Variants in BRD10 observed in about 807,000 individuals in gnomAD.
BRD10 encodes the protein bromodomain containing 10, also known as uncharacterized bromodomain-containing protein 10.
chr9:5,979,454 AGT>A, the BRD10 span, among the ~76,000 whole-genome samples: 1 of 152,034 alleles, frequency 6.6e-6, no homozygotes, highest in Non-Finnish European at 1.5e-5. Flanking sequence ...TGGAGTCTGC[AGT>A]GAGTCGTGAT....
the BRD10 span, chr9:5,954,162 T>C: frequency 2.4e-6 from 2 of 826,694 alleles, no homozygotes; most frequent in South Asian, 1.5e-5. Context: ...AAAAACAAAT[T>C]ACGCAGATCC....
At chr9:5,884,746 C>G in the BRD10 span, among the ~76,000 whole-genome samples, 1 of 152,196 alleles carries the variant, frequency 6.6e-6, no homozygotes, top group Non-Finnish European at 1.5e-5. Context: ...TATTTTTCCA[C>G]TCCAAAGGTC....
At chr9:5,951,390 C>T in the BRD10 span, among the ~76,000 whole-genome samples, 1 of 151,386 alleles carries the variant, frequency 6.6e-6, no homozygotes, top group Non-Finnish European at 1.5e-5. Context: ...TGCTTTCTGT[C>T]AATTTAAAGA....
At chr9:5,930,898 T>C in the BRD10 span, among the ~76,000 whole-genome samples, 1 of 152,186 alleles carries the variant, frequency 6.6e-6, no homozygotes. Context: ...GTAACTTTCA[T>C]CTAGAAAAAG....
chr9:5,902,375 A>T, the BRD10 span, among the ~76,000 whole-genome samples: 2 of 152,192 alleles, frequency 1.3e-5, no homozygotes, highest in East Asian at 3.9e-4. Flanking sequence ...TTCTTAGCCT[A>T]GCTAAAGGCT....
chr9:5,884,077 T>C, the BRD10 span, among the ~76,000 whole-genome samples: 3 of 152,230 alleles, frequency 2.0e-5, no homozygotes, highest in Non-Finnish European at 4.4e-5. Flanking sequence ...GAGCGCAGTC[T>C]CTCTCCTTTT....
At chr9:5,881,892 C>A in the BRD10 span, among the ~76,000 whole-genome samples, 1 of 152,198 alleles carries the variant, frequency 6.6e-6, no homozygotes. Context: ...ATGTGGCAGG[C>A]TCTGCGCCAA....
At chr9:5,937,640 A>T in the BRD10 span, among the ~76,000 whole-genome samples, 38,823 of 152,202 alleles carry the variant, frequency 0.26, 5,208 homozygotes, top group South Asian at 0.36. Flanking sequence ...TGCTGGGATA[A>T]ATGGAATATA....
At chr9:5,957,962 A>G in the BRD10 span, among the ~76,000 whole-genome samples, 4 of 152,072 alleles carry the variant, frequency 2.6e-5, no homozygotes, top group Admixed American at 2.0e-4. Context: ...TTTTACTTCC[A>G]CTGCCCTAAG....
the BRD10 span, among the ~76,000 whole-genome samples, chr9:5,906,348 G>T: frequency 6.8e-6 from 1 of 148,142 alleles, no homozygotes; most frequent in Admixed American, 6.7e-5. Flanking sequence ...AAAAAGAAAA[G>T]AAAAGAAAAG....
At chr9:5,967,914 T>C in the BRD10 span, 1 of 697,676 alleles carries the variant, frequency 1.4e-6, no homozygotes, top group African/African-American at 1.8e-5. Flanking sequence ...CACGCATGCA[T>C]ACATGTGCAT....
chr9:5,970,481 G>A, the BRD10 span, among the ~76,000 whole-genome samples: 1 of 152,096 alleles, frequency 6.6e-6, no homozygotes, highest in Non-Finnish European at 1.5e-5. Context: ...AATGAAATTA[G>A]ATGCAAAGAT....
At chr9:5,906,186 T>TA in the BRD10 span, among the ~76,000 whole-genome samples, 27,944 of 140,334 alleles carry the variant, frequency 0.2, 2,813 homozygotes, top group Middle Eastern at 0.31. Flanking sequence ...TCATGTCTCT[T>TA]AAAAAAAAAA....
At chr9:5,968,794 T>C in the BRD10 span, 1 of 1,613,984 alleles carries the variant, frequency 6.2e-7, no homozygotes, top group Non-Finnish European at 8.5e-7. Flanking sequence ...TCCGTACATC[T>C]GCACCACAGA....
the BRD10 span, among the ~76,000 whole-genome samples, chr9:5,991,835 A>G: frequency 1.3e-5 from 2 of 151,966 alleles, no homozygotes; most frequent in Non-Finnish European, 2.9e-5. Flanking sequence ...AAGACCTAGC[A>G]TGATATGGCC....
chr9:5,967,746 CCA>C, the BRD10 span, among the ~76,000 whole-genome samples: 1 of 148,068 alleles, frequency 6.8e-6, no homozygotes, highest in Non-Finnish European at 1.5e-5. Flanking sequence ...AGAAATTGGT[CCA>C]GAGAAAGGTA....
the BRD10 span, among the ~76,000 whole-genome samples, chr9:5,967,632 T>A: frequency 6.7e-6 from 1 of 149,816 alleles, no homozygotes; most frequent in Non-Finnish European, 1.5e-5. Flanking sequence ...TGAACTTTAG[T>A]CCTGGGAATG....
the BRD10 span, among the ~76,000 whole-genome samples, chr9:5,960,179 T>TA: frequency 4.6e-5 from 7 of 152,322 alleles, no homozygotes; most frequent in Admixed American, 3.3e-4. Flanking sequence ...CTTTTTAACT[T>TA]AGTTTTTTCA....
chr9:5,994,389 T>C, the BRD10 span, among the ~76,000 whole-genome samples: 1 of 152,190 alleles, frequency 6.6e-6, no homozygotes, highest in South Asian at 2.1e-4. Flanking sequence ...AGCTATAAGC[T>C]ACCTCACACA....
Sources: gnomAD v4.1 joint callset for allele counts (sites outside exome capture counted in the v4.1 genomes callset) on GRCh38, gnomAD v4.1.1 for gene constraint, MANE v1.5 for transcripts, NCBI Gene and HGNC (gene_info 2026-07-23, HGNC 2026-07-21) for gene names.